The following EFTUD2 variants were observed in gnomAD, a reference collection of about 807,000 sequenced individuals.
EFTUD2 encodes the protein 116 kDa U5 small nuclear ribonucleoprotein component.
In EFTUD2, 9 loss-of-function variants were observed where a neutral mutation model predicts 114.3. The observed-to-expected ratio is 0.08, with a 90% CI of 0.05 to 0.14. The LOEUF is 0.14. Ranked by LOEUF, EFTUD2 falls within the 10% of genes least tolerant of loss-of-function variation. The probability of loss-of-function intolerance (pLI) is 1.00; values close to 1 mark genes in which losing one functional copy is unlikely to be tolerated. For synonymous variants in EFTUD2, 449 were observed against 462.3 expected, an observed-to-expected ratio of 0.97 and a Z score of 0.37; for missense variants, 765 against 1,241.2, an observed-to-expected ratio of 0.62 and a Z score of 5.76.
rs551609901 is a variant in EFTUD2, at chr17:44,857,020, GGA to G, written c.2045+53_2045+54del. The G allele has an allele frequency of 1.2e-4, 169 of 1,453,342 alleles. No individual in the cohort carries two copies. In the East Asian group the frequency reaches 3.6e-3, roughly 31 times the overall value. 90.0% of individuals were successfully genotyped at this position (1,453,342 alleles called of 1,614,324 possible). On this transcript the variant is annotated intron_variant, in intron 20 of 27. Coordinates refer to ENST00000426333, the MANE Select transcript of EFTUD2 (RefSeq NM_004247.4). ...GGTGGGGGTAGAGGTGGAAGATAAA[GGA>G]GAGAGAGTGTCCAGGAGGCTGCAGT...
intron 9 of EFTUD2, among the ~76,000 whole-genome samples, chr17:44,877,293 G>C (rs2050979884): frequency 1.3e-5 from 2 of 152,106 alleles, no homozygotes. Context: ...TTTTGTGCTT[G>C]AAAGTAAGGA....
chr17:44,883,252 T>A, intron 5 of EFTUD2, 94 bp from the exon 6 acceptor site: 3 of 1,184,746 alleles, frequency 2.5e-6, no homozygotes, highest in South Asian at 2.6e-5. Flanking sequence ...AATTTAGGGA[T>A]AAGGAGAGAA....
intron 6 of EFTUD2, 172 bp from the exon 7 acceptor site, chr17:44,881,894 C>T: frequency 4.9e-6 from 3 of 611,280 alleles, no homozygotes; most frequent in South Asian, 3.9e-5. Flanking sequence ...CAGTGCCCTC[C>T]CAGCTGGAAA....
chr17:44,887,414 C>T (rs1028614013), intron 2 of EFTUD2, among the ~76,000 whole-genome samples: 2 of 152,142 alleles, frequency 1.3e-5, no homozygotes, highest in Non-Finnish European at 2.9e-5. Context: ...GTGGGAACAA[C>T]CAAATGTCGA....
At chr17:44,899,140 G>C (rs1396191038) in intron 1 of EFTUD2, 1 of 152,238 alleles carries the variant, frequency 6.6e-6, no homozygotes, top group African/African-American at 2.4e-5. Context: ...TGAGGCTATA[G>C]AGGCAGCCCC....
Position 44,859,996 on chromosome 17 carries a change from A to G in EFTUD2, c.1769T>C (p.Ile590Thr). The G allele has an allele frequency of 1.2e-6, 2 of 1,614,216 alleles. No individual in the cohort carries two copies. The change falls in exon 18 of 28, where the codon ATT becomes ACT. Residue 590 changes from isoleucine (I) to threonine (T), a missense_variant. Transcript: ENST00000426333. Reference protein sequence around the residue: ...LKFNTTSVIKIAVEPVNPSEL... With the variant: ...LKFNTTSVIKTAVEPVNPSEL... ...TGAGGGGTTGACTGGCTCCACAGCA[A>G]TCTTGATAACAGATGTGGTATTGAA... is the stretch of plus-strand genomic sequence containing the variant.
At chr17:44,872,780 G>T in intron 10 of EFTUD2, 3 of 403,046 alleles carry the variant, frequency 7.4e-6, no homozygotes, top group Non-Finnish European at 8.4e-6. Flanking sequence ...ATTTCCCAGA[G>T]CTGGGAACAT....
rs2050442597 is a variant in EFTUD2 at position 44,851,280 on chromosome 17, G to C, written c.2913C>G (p.Pro971=). 1.2e-6 allele frequency: 2 copies of C among 1,613,902 alleles called. No homozygotes were observed. Among genetic ancestry groups the C allele is most frequent in the African/African-American group, 1.3e-5 (1 of 75,052 alleles). ...CTCCCAGGAGTCCACGCACTCACAT[G>C]GGGTAATTGAGCACAACATCCTGTT... The part of the protein sequence containing the change: ...LAKQDVVLNY[P]M Residue 971 remains proline, a synonymous_variant, in exon 28 of 28, where the codon CCC becomes CCG. Coordinates refer to ENST00000426333, the MANE Select transcript of EFTUD2 (RefSeq NM_004247.4).
At chr17:44,853,667 G>A in intron 23 of EFTUD2, 32 bp from the exon 24 acceptor site, 1 of 1,611,698 alleles carries the variant, frequency 6.2e-7, no homozygotes, top group Non-Finnish European at 8.5e-7. Context: ...TGACTGGGGA[G>A]AGGTTCTGGG....
rs143974264 is a variant in EFTUD2 at position 44,851,675 on chromosome 17, G to A, written c.2823+35C>T. The A allele has an allele frequency of 4.5e-4, 691 of 1,532,470 alleles. 1 individual carries two copies. In the African/African-American group the frequency reaches 8.1e-3, roughly 18 times the overall value. 94.9% of individuals were successfully genotyped at this position (1,532,470 alleles called of 1,614,324 possible). A position where few individuals can be genotyped will look rare whatever the true frequency, so the allele number is the denominator to read the frequency against. On this transcript the variant is annotated intron_variant, in intron 27 of 27. Transcript: ENST00000426333. ...ATCCTGCTTCTGAGAGTCCTGGGGG[G>A]TTGAGGGATGGCAACAGGCCCAAGG... is the stretch of plus-strand genomic sequence containing the variant.
At chr17:44,859,750 G>T in intron 18 of EFTUD2, 155 bp downstream of exon 18, 1 of 1,235,498 alleles carries the variant, frequency 8.1e-7, no homozygotes, top group Non-Finnish European at 1.1e-6. Context: ...GTCTTGTCCT[G>T]CCTTGACATG....
Position 44,894,507 on chromosome 17 carries a change from T to A in EFTUD2, c.15A>T (p.Leu5Phe), listed in dbSNP as rs907824463. Residue 5 changes from leucine (L) to phenylalanine (F), a missense_variant, in exon 2 of 28, where the codon TTA becomes TTT. Physicochemically the swap from Leu to Phe is conservative, Grantham distance 22. Coordinates refer to ENST00000426333, the MANE Select transcript of EFTUD2 (RefSeq NM_004247.4). ...CAATATAATTCCCAAACTCATCATATAAGTCGGTATCCATGATGCTAAAAT... is the reference window on the plus strand; with the variant it reads ...CAATATAATTCCCAAACTCATCATAAAAGTCGGTATCCATGATGCTAAAAT... MDTD[L>F]YDEFGNYIGP... 2 of 1,613,486 alleles carry A rather than the reference T, an allele frequency of 1.2e-6. No homozygotes were observed. The highest frequency in any genetic ancestry group is 2.7e-5 in the African/African-American group (2 of 74,926).
intron 27 of EFTUD2, 110 bp from the exon 28 acceptor site, chr17:44,851,479 G>T: frequency 1.0e-6 from 1 of 990,614 alleles, no homozygotes; most frequent in Non-Finnish European, 1.6e-6. Flanking sequence ...TGGAATGTAG[G>T]TGGTGGTGTT....
At chr17:44,851,871 G>A in intron 26 of EFTUD2, 54 bp from the exon 27 acceptor site, 1 of 1,469,870 alleles carries the variant, frequency 6.8e-7, no homozygotes, top group Non-Finnish European at 9.3e-7. Flanking sequence ...GAAGATTCAG[G>A]CCCAGAAGCA....
At chr17:44,885,195 C>T in intron 4 of EFTUD2, 61 bp downstream of exon 4, 1 of 1,405,326 alleles carries the variant, frequency 7.1e-7, no homozygotes, top group East Asian at 2.3e-5. Context: ...CACCTCTTAT[C>T]TCTACAAAAA....
chr17:44,863,647 G>A lies in EFTUD2; in HGVS notation c.1413+8C>T. On this transcript the variant is annotated splice_region_variant and intron_variant, in intron 15 of 27. Coordinates refer to ENST00000426333, the MANE Select transcript of EFTUD2 (RefSeq NM_004247.4). ...AGACCAGAGAACCGGGGAGCCACAT[G>A]CCCTTACATCAGGGTCACAGTCACT... 1 of 1,610,930 alleles carries A rather than the reference G, an allele frequency of 6.2e-7. No homozygotes were observed.
chr17:44,879,390 T>C (rs2051029579), intron 9 of EFTUD2, 166 bp downstream of exon 9: 1 of 666,580 alleles, frequency 1.5e-6, no homozygotes, highest in Admixed American at 2.6e-5. Context: ...CCGGTAAGAA[T>C]TAATTTTGAA....
Position 44,862,834 on chromosome 17 carries a change from C to T in EFTUD2, c.1486G>A (p.Val496Met). Residue 496 changes from valine to methionine, a missense_variant, in exon 16 of 28, where the codon GTG (valine) becomes ATG (methionine). Transcript: ENST00000426333. ...CCAGCATGAATGGTGCCACTCAGCA[C>T]CCGGCCAAAGGCGTGAAACTGGACT... ...DGVQFHAFGR[V>M]LSGTIHAGQP... The T allele has an allele frequency of 6.2e-7, 1 of 1,614,202 alleles. No individual in the cohort carries two copies. Among genetic ancestry groups the T allele is most frequent in the Non-Finnish European group, 8.5e-7 (1 of 1,180,034 alleles).
chr17:44,880,374 T>C (rs1010854063), intron 8 of EFTUD2, 180 bp downstream of exon 8: 19 of 524,168 alleles, frequency 3.6e-5, no homozygotes, highest in Non-Finnish European at 6.2e-5. Context: ...GCCTGGAGTA[T>C]GATGCTTGCT....
Sources: gnomAD v4.1 joint callset for allele counts (sites outside exome capture counted in the v4.1 genomes callset) on GRCh38, gnomAD v4.1.1 for gene constraint, MANE v1.5 for transcripts, NCBI Gene and HGNC (gene_info 2026-07-23, HGNC 2026-07-21) for gene names.